Variants in GSTO1 observed in about 807,000 individuals in gnomAD.
GSTO1 encodes the protein glutathione S-transferase omega-1.
Under a neutral mutation model 23.8 loss-of-function variants are expected in GSTO1, and 27 were observed. The ratio of observed to expected loss-of-function variants is 1.13; its 90% CI spans 0.83 to 1.56. GSTO1 has a LOEUF of 1.56. GSTO1 is among the 40% of genes most tolerant of loss of function. GSTO1 has a pLI of 0.00. For missense variants in GSTO1, 255 were observed against 285.8 expected, an observed-to-expected ratio of 0.89 and a Z score of 0.78; for synonymous variants, 105 against 109.3, an observed-to-expected ratio of 0.96 and a Z score of 0.25.
intron 3 of GSTO1, among the ~76,000 whole-genome samples, chr10:104,260,958 A>G (rs2011134450): frequency 6.6e-6 from 1 of 152,228 alleles, no homozygotes; most frequent in Non-Finnish European, 1.5e-5. Context: ...AGTAGTAACA[A>G]GTTAAAGGCA....
intron 2 of GSTO1, among the ~76,000 whole-genome samples, chr10:104,258,221 A>C (rs1279526078): frequency 6.6e-6 from 1 of 152,172 alleles, no homozygotes; most frequent in Non-Finnish European, 1.5e-5. Flanking sequence ...GAGGCAGAGG[A>C]CCATCAAGTG....
chr10:104,256,390 C>G (rs594471), intron 2 of GSTO1, among the ~76,000 whole-genome samples: 1,919 of 152,284 alleles, frequency 0.013, 29 homozygotes, highest in African/African-American at 0.044. Context: ...CATGACACAG[C>G]TGGATTCAGA....
chr10:104,259,922 C>CT, intron 3 of GSTO1, 124 bp downstream of exon 3: 6 of 653,494 alleles, frequency 9.2e-6, no homozygotes, highest in Non-Finnish European at 1.6e-5. Context: ...CTTGTCAGCT[C>CT]TGAGTGTCCT....
chr10:104,258,618 T>C (rs913573430), intron 2 of GSTO1, among the ~76,000 whole-genome samples: 2 of 152,222 alleles, frequency 1.3e-5, no homozygotes, highest in Non-Finnish European at 2.9e-5. Context: ...AGCTCACGCC[T>C]ATAACCCCGA....
chr10:104,265,706 A>G (rs1430604790), intron 4 of GSTO1, among the ~76,000 whole-genome samples: 1 of 152,200 alleles, frequency 6.6e-6, no homozygotes, highest in East Asian at 1.9e-4. Context: ...CCAAATGATA[A>G]TTGGCCATTT....
intron 2 of GSTO1, 44 bp from the exon 3 acceptor site, chr10:104,259,531 CA>C: frequency 1.5e-6 from 2 of 1,293,252 alleles, no homozygotes; most frequent in Non-Finnish European, 2.2e-6. Context: ...TCCAAAAGCA[CA>C]AAAGTTGTTT....
chr10:104,254,783 A>G (rs1422654190), upstream of GSTO1: 21 of 734,770 alleles, frequency 2.9e-5, no homozygotes, highest in Middle Eastern at 2.3e-4. Context: ...CCGGGAAGGC[A>G]CAACGGGTGG....
chr10:104,255,665 G>A (rs1210898656), intron 2 of GSTO1, among the ~76,000 whole-genome samples: 2 of 152,192 alleles, frequency 1.3e-5, no homozygotes, highest in East Asian at 3.9e-4. Context: ...ACTGTTAGTT[G>A]TTATTCTGAA....
intron 2 of GSTO1, among the ~76,000 whole-genome samples, chr10:104,257,140 C>A (rs951190861): frequency 6.8e-6 from 1 of 148,038 alleles, no homozygotes; most frequent in African/African-American, 2.7e-5. Flanking sequence ...TCAGCCTTGA[C>A]AATCATATGG....
chr10:104,264,422 T>C (rs777533120), intron 4 of GSTO1, among the ~76,000 whole-genome samples: 2 of 152,190 alleles, frequency 1.3e-5, no homozygotes, highest in Non-Finnish European at 2.9e-5. Context: ...AAATGCATAT[T>C]ATGCATTGAA....
At chr10:104,261,246 T>TA (rs1044554988) in intron 3 of GSTO1, among the ~76,000 whole-genome samples, 3 of 152,210 alleles carry the variant, frequency 2.0e-5, no homozygotes, top group African/African-American at 7.2e-5. Context: ...GCTACTACTT[T>TA]AAAAAGTAGT....
rs1328109711 is a variant in GSTO1, at chr10:104,262,872, T to C, written c.367-107T>C. The C allele has an allele frequency of 6.9e-6, 4 of 577,798 alleles. No homozygotes were observed. The East Asian group carries it at 8.4e-5, about 12-fold the overall frequency. The allele number at this position is 577,798 out of a possible 1,614,324, so 35.8% of individuals were successfully genotyped here. The stretch of plus-strand genomic sequence containing the variant: ...GAACTTGATGCACCCTTGGTGTTTC[T>C]AGAACACCTTGACACCAGGACTGTA... On this transcript the variant is annotated intron_variant, in intron 3 of 5. Coordinates refer to ENST00000369713, the MANE Select transcript of GSTO1 (RefSeq NM_004832.3).
In GSTO1 at chr10:104,267,308, CCA is replaced by C. The variant is rs758257453; in HGVS notation, c.632_633del (p.Thr211SerfsTer7). 6.8e-6 allele frequency: 11 copies of C among 1,613,288 alleles called. No homozygotes were observed. The highest frequency in any genetic ancestry group is 1.1e-5 in the South Asian group (1 of 91,060). On this transcript the variant is annotated frameshift_variant, in exon 6 of 6. Coordinates refer to ENST00000369713, the MANE Select transcript of GSTO1 (RefSeq NM_004832.3). LOFTEE classifies it low-confidence loss of function (END_TRUNC). Reference sequence around the variant, plus strand: ...TGGATGGCAGCCATGAAGGAAGATCCCACAGTCTCAGCCCTGCTTACTAGTGA... The same window carrying C: ...TGGATGGCAGCCATGAAGGAAGATCCCAGTCTCAGCCCTGCTTACTAGTGA...
At chr10:104,267,184 A>T in intron 5 of GSTO1, 68 bp from the exon 6 acceptor site, 1 of 964,054 alleles carries the variant, frequency 1.0e-6, no homozygotes, top group East Asian at 2.4e-5. Context: ...ATAATTACAT[A>T]TGGGAGACTC....
intron 3 of GSTO1, among the ~76,000 whole-genome samples, chr10:104,262,437 G>A (rs547985899): frequency 2.6e-5 from 4 of 152,320 alleles, no homozygotes; most frequent in South Asian, 2.1e-4. Context: ...TTGGCCGGGC[G>A]TGGTGGCTCA....
At chr10:104,263,413 A>T (rs1249496388) in intron 4 of GSTO1, among the ~76,000 whole-genome samples, 1 of 151,466 alleles carries the variant, frequency 6.6e-6, no homozygotes, top group Non-Finnish European at 1.5e-5. Flanking sequence ...CCTTGTCCAT[A>T]TATTTAAAAA....
At chr10:104,265,871 A>G (rs912032317) in intron 4 of GSTO1, among the ~76,000 whole-genome samples, 37 of 151,950 alleles carry the variant, frequency 2.4e-4, no homozygotes, top group African/African-American at 8.7e-4. Flanking sequence ...TTATTTTTCA[A>G]TTTTCCAGTT....
intron 3 of GSTO1, 54 bp from the exon 4 acceptor site, chr10:104,262,925 G>C: frequency 1.3e-6 from 1 of 769,338 alleles, no homozygotes; most frequent in South Asian, 1.5e-5. Flanking sequence ...TTATGTGAGG[G>C]GGCCGATACA....
At chr10:104,254,582 C>T, upstream of GSTO1, 1 of 408,424 alleles carries the variant, frequency 2.4e-6, no homozygotes, top group East Asian at 6.0e-5. Context: ...AGGTCAGTGT[C>T]ACGGGAGGGA....
Sources: gnomAD v4.1 joint callset for allele counts (sites outside exome capture counted in the v4.1 genomes callset) on GRCh38, gnomAD v4.1.1 for gene constraint, MANE v1.5 for transcripts, NCBI Gene and HGNC (gene_info 2026-07-23, HGNC 2026-07-21) for gene names.